The following OSBPL2 variants were observed in gnomAD, a reference collection of about 807,000 sequenced individuals.
The protein encoded by OSBPL2 is oxysterol binding protein like 2.
OSBPL2 carries 18 observed loss-of-function variants against 58.4 expected under a neutral mutation model. That is an observed-to-expected ratio of 0.31 (90% confidence interval 0.21 to 0.46). OSBPL2 has a LOEUF of 0.46. Among genes scored for constraint, OSBPL2 ranks in the 20% least tolerant of loss-of-function variants. OSBPL2 has a pLI of 1.00. For synonymous variants in OSBPL2, 221 were observed against 234.1 expected (o/e 0.94, Z 0.51); for missense variants, 461 against 616.5 (o/e 0.75, Z 2.67).
chr20:62,255,850 G>C (rs1000676656), intron 1 of OSBPL2, among the ~76,000 whole-genome samples: 1 of 152,100 alleles, frequency 6.6e-6, no homozygotes, highest in African/African-American at 2.4e-5. Context: ...CTGAATTATT[G>C]GTCTGTTATT....
chr20:62,275,807 T>G (rs1242465830), intron 6 of OSBPL2, among the ~76,000 whole-genome samples: 2 of 152,156 alleles, frequency 1.3e-5, no homozygotes, highest in African/African-American at 4.8e-5. Context: ...TGGTGTGCAG[T>G]GCAATGAATG....
chr20:62,255,582 C>T (rs563679059), intron 1 of OSBPL2, among the ~76,000 whole-genome samples: 7 of 152,372 alleles, frequency 4.6e-5, no homozygotes, highest in East Asian at 3.9e-4. Flanking sequence ...CAGCTCACTG[C>T]GATCTCTGCC....
intron 6 of OSBPL2, among the ~76,000 whole-genome samples, 185 bp downstream of exon 6, chr20:62,273,591 G>A (rs746069743): frequency 1.3e-5 from 2 of 152,304 alleles, no homozygotes; most frequent in Admixed American, 6.5e-5. Context: ...TTGTGCTAGC[G>A]TGCCACGGCG....
chr20:62,263,285 C>T (rs1253227496), intron 3 of OSBPL2, among the ~76,000 whole-genome samples: 1 of 152,208 alleles, frequency 6.6e-6, no homozygotes, highest in African/African-American at 2.4e-5. Context: ...GCAGGAGCCC[C>T]CAGAAGGCTG....
intron 1 of OSBPL2, among the ~76,000 whole-genome samples, chr20:62,242,858 A>G (rs1979822908): frequency 6.6e-6 from 1 of 152,126 alleles, no homozygotes; most frequent in African/African-American, 2.4e-5. Context: ...GAGTTCTTGG[A>G]GGAGCACCAG....
rs184014778 is a variant in OSBPL2, at chr20:62,283,677, C to T, written c.873-369C>T. On this transcript the variant is annotated intron_variant, in intron 9 of 13. Transcript: ENST00000313733. ...ATGCAGCTTTACATTTTAAAACGCT[C>T]ACTCTTTTTTGCCCCTTCCCGTCTC... Among the ~76,000 whole-genome samples, 246 of 152,274 alleles carry T rather than the reference C, an allele frequency of 1.6e-3. 1 individual carries two copies. Among genetic ancestry groups the T allele is most frequent in the Admixed American group, 5.2e-3 (79 of 15,296 alleles).
Position 62,284,109 on chromosome 20 carries a change from T to G in OSBPL2, c.936T>G (p.Val312=), listed in dbSNP as rs752701136. ...AATGTTTGTGGGGCATAGATCCTGTTTCGTATGAATCCTTCAAGAAGCAGG... is the reference window on the plus strand; with the variant it reads ...AATGTTTGTGGGGCATAGATCCTGTGTCGTATGAATCCTTCAAGAAGCAGG... ...WTECLWGIDP[V]SYESFKKQER... Residue 312 remains valine (V), a synonymous_variant, in exon 10 of 14, where the codon GTT becomes GTG. Transcript: ENST00000313733. The G allele has an allele frequency of 2.5e-6, 4 of 1,614,012 alleles. No homozygotes were observed. Among genetic ancestry groups the G allele is most frequent in the East Asian group, 4.5e-5 (2 of 44,888 alleles).
At chr20:62,283,493 G>A (rs1353340484) in intron 9 of OSBPL2, among the ~76,000 whole-genome samples, 1 of 152,158 alleles carries the variant, frequency 6.6e-6, no homozygotes, top group African/African-American at 2.4e-5. Flanking sequence ...CGAGAGCTCT[G>A]GTGGCCACTC....
At chr20:62,245,302 C>T (rs184900415) in intron 1 of OSBPL2, among the ~76,000 whole-genome samples, 2 of 152,240 alleles carry the variant, frequency 1.3e-5, no homozygotes, top group Non-Finnish European at 2.9e-5. Flanking sequence ...CCATGTTGCC[C>T]AGCTGGTCTT....
chr20:62,239,263 C>G (rs1043760294), intron 1 of OSBPL2, among the ~76,000 whole-genome samples: 1 of 152,220 alleles, frequency 6.6e-6, no homozygotes, highest in African/African-American at 2.4e-5. Flanking sequence ...AACTTGCTAC[C>G]TAAAACCTAT....
chr20:62,283,409 G>A (rs1176403553), intron 9 of OSBPL2, among the ~76,000 whole-genome samples: 4 of 152,140 alleles, frequency 2.6e-5, no homozygotes, highest in Non-Finnish European at 5.9e-5. Flanking sequence ...GGTCACGGTT[G>A]ACTCTTCCCA....
rs373384713 is a variant in OSBPL2 at position 62,259,773 on chromosome 20, G to A, written c.38-208G>A. Among the ~76,000 whole-genome samples, 151 of 150,636 alleles carry A rather than the reference G, an allele frequency of 1.0e-3. No individual in the cohort carries two copies. The East Asian group carries it at 0.012, about 12-fold the overall frequency. ...CTGGGCACTGGAGCTCGCTGGGAGC[G>A]CGTTCTTAGGAGGGAAGCTCCGTGG... On this transcript the variant is annotated intron_variant, in intron 2 of 13. Transcript: ENST00000313733.
intron 1 of OSBPL2, among the ~76,000 whole-genome samples, chr20:62,255,610 T>G (rs1471547353): frequency 6.6e-6 from 1 of 152,172 alleles, no homozygotes; most frequent in Non-Finnish European, 1.5e-5. Flanking sequence ...TTCAAGAGAT[T>G]CTCCTGCCTC....
intron 8 of OSBPL2, 95 bp from the exon 9 acceptor site, chr20:62,281,695 C>A: frequency 1.1e-6 from 1 of 878,214 alleles, no homozygotes; most frequent in Non-Finnish European, 1.9e-6. Flanking sequence ...CCCCGCCTGC[C>A]CCAGGGGCCT....
At chr20:62,246,955 C>T (rs1980160369) in intron 1 of OSBPL2, among the ~76,000 whole-genome samples, 1 of 152,208 alleles carries the variant, frequency 6.6e-6, no homozygotes, top group Non-Finnish European at 1.5e-5. Flanking sequence ...GCTCTGGCAA[C>T]CTCGCAGTGT....
At chr20:62,272,592 G>A (rs960375393) in intron 5 of OSBPL2, among the ~76,000 whole-genome samples, 3 of 152,230 alleles carry the variant, frequency 2.0e-5, no homozygotes, top group Non-Finnish European at 4.4e-5. Flanking sequence ...CACCCCATGT[G>A]TGTGCATGTG....
chr20:62,256,089 A>G lies in OSBPL2; in HGVS notation c.-96A>G, dbSNP rs1980901782. On this transcript the variant is annotated 5_prime_UTR_variant, in exon 2 of 14. Coordinates refer to ENST00000313733, the MANE Select transcript of OSBPL2 (RefSeq NM_144498.4). ...GTGTCTATTGGATTTTTCCAAGAGA[A>G]AGTTTGTAAAATTCCTTACACTGTA... 1.4e-5 allele frequency: 21 copies of G among 1,455,662 alleles called. No individual in the cohort carries two copies. In the East Asian group the frequency reaches 4.7e-4, roughly 33 times the overall value. 90.2% of individuals were successfully genotyped at this position (1,455,662 alleles called of 1,614,324 possible).
intron 6 of OSBPL2, among the ~76,000 whole-genome samples, chr20:62,276,217 A>G (rs769754511): frequency 1.3e-5 from 2 of 152,156 alleles, no homozygotes; most frequent in Non-Finnish European, 2.9e-5. Flanking sequence ...ACGCCTGGCC[A>G]TGATTGAGAT....
intron 1 of OSBPL2, among the ~76,000 whole-genome samples, chr20:62,240,973 C>T (rs181817154): frequency 1.3e-5 from 2 of 152,138 alleles, no homozygotes; most frequent in African/African-American, 2.4e-5. Context: ...AGTTCAGTTC[C>T]AGGGGACTTC....
Sources: gnomAD v4.1 joint callset for allele counts (sites outside exome capture counted in the v4.1 genomes callset) on GRCh38, gnomAD v4.1.1 for gene constraint, MANE v1.5 for transcripts, NCBI Gene and HGNC (gene_info 2026-07-23, HGNC 2026-07-21) for gene names.